The following SENP2 variants were observed in gnomAD, a reference collection of about 807,000 sequenced individuals.
SENP2 encodes the protein SUMO specific peptidase 2.
Under a neutral mutation model 86.3 loss-of-function variants are expected in SENP2, and 16 were observed. The observed-to-expected ratio is 0.19, with a 90% confidence interval of 0.13 to 0.28. The LOEUF (loss-of-function observed/expected upper bound fraction) is 0.28. Ranked by LOEUF, SENP2 falls within the 10% of genes least tolerant of loss-of-function variation. SENP2 has a pLI of 1.00. For missense variants in SENP2, 552 were observed against 703.0 expected (o/e 0.79, Z 2.43); for synonymous variants, 222 against 238.7 (o/e 0.93, Z 0.64).
At chr3:185,598,665 C>T in intron 3 of SENP2, 120 bp downstream of exon 3, 1 of 1,029,980 alleles carries the variant, frequency 9.7e-7, no homozygotes, top group Non-Finnish European at 1.4e-6. Flanking sequence ...ATATCTGTAT[C>T]TTTATTAGCT....
chr3:185,596,028 C>CA (rs1311693572), intron 2 of SENP2, among the ~76,000 whole-genome samples: 5 of 151,992 alleles, frequency 3.3e-5, no homozygotes, highest in Admixed American at 1.3e-4. Flanking sequence ...TACAGTGGTG[C>CA]CATCTTGGTT....
At chr3:185,594,336 A>C (rs962926330) in intron 2 of SENP2, among the ~76,000 whole-genome samples, 3 of 152,206 alleles carry the variant, frequency 2.0e-5, no homozygotes, top group African/African-American at 7.2e-5. Flanking sequence ...AATCTAAACC[A>C]AAGGGTAAGC....
chr3:185,621,246 A>G (rs1026593847), intron 13 of SENP2, among the ~76,000 whole-genome samples: 5 of 132,884 alleles, frequency 3.8e-5, no homozygotes, highest in Non-Finnish European at 8.2e-5. Flanking sequence ...AAAAAAAAAA[A>G]GTCTCATCAC....
intron 12 of SENP2, 138 bp downstream of exon 12, chr3:185,617,749 C>A (rs570120170): frequency 1.4e-5 from 10 of 701,244 alleles, no homozygotes; most frequent in Non-Finnish European, 1.6e-5. Flanking sequence ...CATTTTAAAT[C>A]TTAAAAAGAT....
rs78336354 is a variant in SENP2, at chr3:185,627,956, C to T, written c.1707+1563C>T. 3.4e-3 allele frequency among the ~76,000 whole-genome samples: 520 copies of T among 152,182 alleles called. 5 individuals are homozygous for T. The highest frequency in any genetic ancestry group is 0.012 in the African/African-American group (491 of 41,518). ...TATTACGTGAAGTAACTAGGACTCC[C>T]GTGCTGAATTAATATAATTCCAGTA... On this transcript the variant is annotated intron_variant, in intron 16 of 16. Transcript: ENST00000296257.
In SENP2 at chr3:185,598,442, T is replaced by A. The variant is rs762955179; in HGVS notation, c.188T>A (p.Leu63His). 6.2e-7 allele frequency: 1 copy of A among 1,614,138 alleles called. No homozygotes were observed. The highest frequency in any genetic ancestry group is 8.5e-7 in the Non-Finnish European group (1 of 1,179,980). ...DCFIHQVKNSLYNAASLFGFP... is the reference protein window; with the variant it reads ...DCFIHQVKNSHYNAASLFGFP... Reference sequence around the variant, plus strand: ...TTTATTCACCAAGTGAAAAACAGTCTCTACAATGCTGCCAGCTTATTTGGA... The same window carrying A: ...TTTATTCACCAAGTGAAAAACAGTCACTACAATGCTGCCAGCTTATTTGGA... The change falls in exon 3 of 17, where the codon CTC becomes CAC. Residue 63 changes from leucine (L) to histidine (H), a missense_variant. Around this residue, in one of 2 missense-constraint regions of SENP2, gnomAD observed 383 missense variants for 427.3 expected, o/e 0.90. Transcript: ENST00000296257.
chr3:185,599,166 C>G, intron 4 of SENP2, 142 bp downstream of exon 4: 1 of 610,944 alleles, frequency 1.6e-6, no homozygotes, highest in Non-Finnish European at 2.9e-6. Flanking sequence ...AAGCAAATAG[C>G]TTTTCTTCAG....
intron 6 of SENP2, chr3:185,608,981 G>A (rs939374475): frequency 5.5e-5 from 15 of 273,212 alleles, no homozygotes; most frequent in South Asian, 4.5e-4. Context: ...AAACCTAGAT[G>A]CCATCAGAAT....
chr3:185,621,767 A>G, intron 13 of SENP2, 59 bp from the exon 14 acceptor site: 1 of 1,022,272 alleles, frequency 9.8e-7, no homozygotes, highest in Non-Finnish European at 1.5e-6. Flanking sequence ...TTTTGGAAGT[A>G]AAATTCTCAC....
At chr3:185,617,650 T>C (rs755259434) in intron 12 of SENP2, 39 bp downstream of exon 12, 3 of 1,573,878 alleles carry the variant, frequency 1.9e-6, no homozygotes, top group Non-Finnish European at 2.6e-6. Flanking sequence ...TATCATTAAG[T>C]TTATTTATTT....
At chr3:185,606,734 T>G in intron 6 of SENP2, 1 of 529,914 alleles carries the variant, frequency 1.9e-6, no homozygotes, top group Non-Finnish European at 3.4e-6. Flanking sequence ...TCTTATGAGA[T>G]TGTCCAGATC....
Position 185,617,486 on chromosome 3 carries a change from GA to G in SENP2, c.1121del (p.Lys374ArgfsTer7). The G allele has an allele frequency of 1.2e-6, 2 of 1,606,916 alleles. No individual in the cohort carries two copies. The highest frequency in any genetic ancestry group is 1.7e-5 in the Admixed American group (1 of 58,800). ...DDLLELTEDM[E>X]KEISNALGHG... ...TCTGAACTTTCTAATTCAGGACATGGAAAAGGAAATCAGTAATGCCCTAGGC... is the reference window on the plus strand; with the variant it reads ...TCTGAACTTTCTAATTCAGGACATGGAAAGGAAATCAGTAATGCCCTAGGC... On this transcript the variant is annotated frameshift_variant, in exon 12 of 17. Coordinates refer to ENST00000296257, the MANE Select transcript of SENP2 (RefSeq NM_021627.3).
intron 7 of SENP2, chr3:185,611,406 A>T (rs1722682590): frequency 1.4e-5 from 5 of 365,058 alleles, no homozygotes; most frequent in Admixed American, 8.4e-5. Context: ...ATCACTGGGG[A>T]TTCAGAACCT....
intron 5 of SENP2, among the ~76,000 whole-genome samples, chr3:185,601,635 C>T (rs1260705137): frequency 1.5e-5 from 2 of 131,544 alleles, no homozygotes; most frequent in African/African-American, 5.7e-5. Flanking sequence ...TTTTGTTGTT[C>T]TTGCTTTTTT....
At chr3:185,609,925 A>G (rs903351036) in intron 7 of SENP2, among the ~76,000 whole-genome samples, 3 of 152,138 alleles carry the variant, frequency 2.0e-5, no homozygotes, top group Non-Finnish European at 4.4e-5. Flanking sequence ...TTTTCCTTAT[A>G]GGACAGCTTG....
intron 6 of SENP2, 133 bp downstream of exon 6, chr3:185,606,631 A>C: frequency 1.3e-6 from 1 of 778,866 alleles, no homozygotes; most frequent in Non-Finnish European, 2.0e-6. Context: ...CCTCCAACAA[A>C]ATGAGGCTGT....
chr3:185,632,244 T>TTTTTTG lies in SENP2; in HGVS notation c.*2405_*2406insGTTTTT, dbSNP rs1712515328. The TTTTTTG allele has an allele frequency of 7.6e-6, 1 of 131,252 alleles. No homozygotes were observed. Among genetic ancestry groups the TTTTTTG allele is most frequent in the Non-Finnish European group, 1.6e-5 (1 of 62,902 alleles). 8.1% of individuals were successfully genotyped at this position (131,252 alleles called of 1,614,324 possible). On this transcript the variant is annotated 3_prime_UTR_variant, in exon 17 of 17. Coordinates refer to ENST00000296257, the MANE Select transcript of SENP2 (RefSeq NM_021627.3). ...TTTTTGTTTTTTTTTTTTGTTTTTT[T>TTTTTTG]TTTTTTTTTTTGCGACAGAGTCTCT...
chr3:185,616,674 C>G (rs948999803), intron 11 of SENP2, among the ~76,000 whole-genome samples: 1 of 150,956 alleles, frequency 6.6e-6, no homozygotes, highest in African/African-American at 2.4e-5. Context: ...ACTCGGGAGG[C>G]TGAGGCAGGA....
intron 7 of SENP2, among the ~76,000 whole-genome samples, chr3:185,610,615 C>CT (rs1722655931): frequency 6.6e-6 from 1 of 152,194 alleles, no homozygotes; most frequent in South Asian, 2.1e-4. Flanking sequence ...TTAACGAACT[C>CT]TTAACTTTGT....
Sources: gnomAD v4.1 joint callset for allele counts (sites outside exome capture counted in the v4.1 genomes callset) on GRCh38, gnomAD v4.1.1 for gene constraint, gnomAD v4.1.1 regional missense constraint, MANE v1.5 for transcripts, NCBI Gene and HGNC (gene_info 2026-07-23, HGNC 2026-07-21) for gene names.